The following SV2C variants were observed in gnomAD, a reference collection of about 807,000 sequenced individuals.
SV2C encodes synaptic vesicle glycoprotein 2C.
A neutral mutation model predicts 79.7 loss-of-function variants in SV2C; 49 were observed. The ratio of observed to expected loss-of-function variants is 0.61; its 90% CI spans 0.49 to 0.78. The LOEUF is 0.78. Among genes scored for constraint, SV2C ranks in the 30% least tolerant of loss-of-function variants. The probability of loss-of-function intolerance (pLI) is 0.00; values close to 1 mark genes in which losing one functional copy is unlikely to be tolerated. For synonymous variants in SV2C, 334 were observed against 333.2 expected, an observed-to-expected ratio of 1.00 and a Z score of -0.03; for missense variants, 833 against 912.9, an observed-to-expected ratio of 0.91 and a Z score of 1.13.
chr5:76,190,420 A>T (rs1352506002), intron 2 of SV2C, among the ~76,000 whole-genome samples: 1 of 152,216 alleles, frequency 6.6e-6, no homozygotes, highest in Non-Finnish European at 1.5e-5. Context: ...AAGAGGAAAC[A>T]TTAGGGGTAA....
chr5:76,057,137 A>G, the SV2C span, among the ~76,000 whole-genome samples: 3 of 152,262 alleles, frequency 2.0e-5, no homozygotes, highest in East Asian at 5.8e-4. Flanking sequence ...ATTTGGTGCT[A>G]CAAATTTCCC....
the SV2C span, among the ~76,000 whole-genome samples, chr5:75,939,056 C>G: frequency 0.59 from 89,258 of 151,916 alleles, 27,336 homozygotes; most frequent in African/African-American, 0.77. Context: ...GATGGGAGGG[C>G]CTCCAGAGCA....
chr5:76,320,146 C>G (rs1445417211), intron 12 of SV2C, among the ~76,000 whole-genome samples: 1 of 147,892 alleles, frequency 6.8e-6, no homozygotes, highest in African/African-American at 2.5e-5. Flanking sequence ...AGCCTCGTCT[C>G]GTCTTCCTTT....
At chr5:75,923,142 A>T in the SV2C span, among the ~76,000 whole-genome samples, 1 of 152,202 alleles carries the variant, frequency 6.6e-6, no homozygotes, top group South Asian at 2.1e-4. Context: ...ATCTTCGACA[A>T]AGCATACAAT....
intron 1 of SV2C, among the ~76,000 whole-genome samples, chr5:76,116,290 C>T (rs1748264373): frequency 6.6e-6 from 1 of 152,174 alleles, no homozygotes; most frequent in South Asian, 2.1e-4. Context: ...ATCTGTCTTG[C>T]CTCAAGAAAG....
chr5:75,902,193 G>A, the SV2C span, among the ~76,000 whole-genome samples: 1 of 152,204 alleles, frequency 6.6e-6, no homozygotes, highest in Admixed American at 6.5e-5. Flanking sequence ...CTCACGCTGG[G>A]AGCTGTGGAC....
chr5:76,256,755 C>A (rs899781551), intron 4 of SV2C, among the ~76,000 whole-genome samples: 1 of 152,182 alleles, frequency 6.6e-6, no homozygotes. Flanking sequence ...TTTTAATCTG[C>A]CCCCCGCTTT....
the SV2C span, among the ~76,000 whole-genome samples, chr5:75,982,007 A>G: frequency 2.1e-5 from 3 of 146,288 alleles, no homozygotes; most frequent in Admixed American, 2.1e-4. Context: ...GCATATTCTC[A>G]CTCATAGATG....
chr5:75,914,217 A>G, the SV2C span, among the ~76,000 whole-genome samples: 3 of 151,910 alleles, frequency 2.0e-5, no homozygotes, highest in Admixed American at 1.3e-4. Context: ...GAACTCTTCT[A>G]GAGTTCTTTT....
the SV2C span, among the ~76,000 whole-genome samples, chr5:76,002,567 A>G: frequency 6.6e-6 from 1 of 152,350 alleles, no homozygotes. Flanking sequence ...ATTGTATGCT[A>G]TGTGAATTAG....
chr5:75,897,275 T>C, the SV2C span, among the ~76,000 whole-genome samples: 1 of 151,978 alleles, frequency 6.6e-6, no homozygotes, highest in Non-Finnish European at 1.5e-5. Flanking sequence ...CAGTTTCAGC[T>C]TTCTACATAT....
chr5:76,290,641 T>C (rs1747531193), intron 6 of SV2C, among the ~76,000 whole-genome samples: 1 of 152,184 alleles, frequency 6.6e-6, no homozygotes, highest in Non-Finnish European at 1.5e-5. Context: ...GAGAAATTCA[T>C]GTTGATGCTT....
chr5:75,884,336 T>G, the SV2C span, among the ~76,000 whole-genome samples: 1 of 152,174 alleles, frequency 6.6e-6, no homozygotes. Context: ...CCGTGATTGC[T>G]TTTATATTAC....
intron 4 of SV2C, among the ~76,000 whole-genome samples, chr5:76,261,161 C>T (rs1239853526): frequency 4.6e-5 from 7 of 152,070 alleles, no homozygotes; most frequent in Middle Eastern, 6.8e-3. Context: ...CCTTCATGTC[C>T]CTTGTAAGTT....
At chr5:75,946,348 T>C in the SV2C span, among the ~76,000 whole-genome samples, 1 of 152,146 alleles carries the variant, frequency 6.6e-6, no homozygotes, top group Non-Finnish European at 1.5e-5. Flanking sequence ...GAATTACCTT[T>C]GCTTGCATTT....
the SV2C span, among the ~76,000 whole-genome samples, chr5:75,856,862 T>C: frequency 6.6e-6 from 1 of 152,114 alleles, no homozygotes; most frequent in Non-Finnish European, 1.5e-5. Context: ...AGTAAAAAAA[T>C]ATTTTCCCAG....
rs1747316041 is a variant in SV2C at position 76,285,298 on chromosome 5, A to G, written c.1047+3A>G. The G allele has an allele frequency of 6.2e-7, 1 of 1,613,734 alleles. No individual in the cohort carries two copies. The highest frequency in any genetic ancestry group is 1.3e-5 in the African/African-American group (1 of 74,902). On this transcript the variant is annotated splice_donor_region_variant and intron_variant, in intron 5 of 12. Transcript: ENST00000502798. ...AAAGCCCACGATTCTTGTTGGAGGT[A>G]ACACTTATTATTGCAGATACTCAGG...
intron 1 of SV2C, among the ~76,000 whole-genome samples, chr5:76,123,726 A>G (rs776933157): frequency 2.7e-4 from 41 of 152,320 alleles, no homozygotes; most frequent in South Asian, 1.2e-3. Flanking sequence ...GACATCACAG[A>G]TTTCTTGAAT....
intron 1 of SV2C, among the ~76,000 whole-genome samples, chr5:76,121,706 C>G (rs994720774): frequency 2.6e-5 from 4 of 151,990 alleles, no homozygotes; most frequent in Non-Finnish European, 2.9e-5. Flanking sequence ...TCTGAGGGCT[C>G]TGCTCTGTTC....
Sources: allele counts gnomAD v4.1 joint callset (sites outside exome capture counted in the v4.1 genomes callset), GRCh38; gene constraint gnomAD v4.1.1; transcripts MANE v1.5; gene names NCBI Gene and HGNC (gene_info 2026-07-23, HGNC 2026-07-21).